NOX4: variants seen among roughly 807,000 people sequenced by gnomAD.
The protein encoded by NOX4 is NADPH oxidase 4.
NOX4 carries 69 observed loss-of-function variants against 87.6 expected under a neutral mutation model. The observed-to-expected ratio is 0.79, with a 90% CI of 0.65 to 0.96. NOX4 has a LOEUF of 0.96. NOX4 is among the 40% of genes least tolerant of loss of function. The probability of loss-of-function intolerance (pLI) is 0.00; values close to 1 mark genes in which losing one functional copy is unlikely to be tolerated. For synonymous variants in NOX4, 275 were observed against 238.2 expected, an observed-to-expected ratio of 1.15 and a Z score of -1.42; for missense variants, 680 against 681.5, an observed-to-expected ratio of 1.00 and a Z score of 0.02.
the NOX4 span, chr11:89,546,562 T>A: frequency 6.6e-6 from 1 of 152,198 alleles, no homozygotes; most frequent in Non-Finnish European, 1.5e-5. Context: ...ATGGTTTCTG[T>A]CTTAGTCTGT....
the NOX4 span, among the ~76,000 whole-genome samples, chr11:89,534,611 G>C: frequency 2.6e-5 from 4 of 152,166 alleles, no homozygotes. Flanking sequence ...GCCTTATCCC[G>C]GGGACTGAGT....
intron 7 of NOX4, among the ~76,000 whole-genome samples, chr11:89,428,452 G>T: frequency 6.7e-6 from 1 of 148,272 alleles, no homozygotes; most frequent in Non-Finnish European, 1.5e-5. Flanking sequence ...ACCCATCAGT[G>T]TGCTGTATTC....
At chr11:89,528,099 C>A in the NOX4 span, among the ~76,000 whole-genome samples, 2 of 152,164 alleles carry the variant, frequency 1.3e-5, no homozygotes, top group African/African-American at 4.8e-5. Flanking sequence ...CAAAGGACAT[C>A]ATTTCAGAGC....
chr11:89,346,957 A>G (rs1590980221), intron 13 of NOX4, among the ~76,000 whole-genome samples: 1 of 152,204 alleles, frequency 6.6e-6, no homozygotes, highest in African/African-American at 2.4e-5. Context: ...TTTTGCAAAC[A>G]TCAGTAGCAT....
chr11:89,572,288 A>G, the NOX4 span, among the ~76,000 whole-genome samples: 9 of 152,162 alleles, frequency 5.9e-5, 1 homozygote, highest in African/African-American at 9.7e-5. Context: ...TCTGCAATCC[A>G]CCTGGAAATG....
the NOX4 span, among the ~76,000 whole-genome samples, chr11:89,558,184 A>G: frequency 6.6e-6 from 1 of 152,086 alleles, no homozygotes; most frequent in Non-Finnish European, 1.5e-5. Context: ...GCCATTAGCT[A>G]GAGGGACTGC....
chr11:89,338,732 T>C (rs1945836043), intron 15 of NOX4, among the ~76,000 whole-genome samples: 1 of 152,112 alleles, frequency 6.6e-6, no homozygotes, highest in Non-Finnish European at 1.5e-5. Context: ...GTTAGGTTTC[T>C]CTACCTTGAT....
chr11:89,578,827 C>T, the NOX4 span, among the ~76,000 whole-genome samples: 1 of 152,116 alleles, frequency 6.6e-6, no homozygotes, highest in Non-Finnish European at 1.5e-5. Flanking sequence ...CTTTGAAAAA[C>T]TATGCCCATA....
chr11:89,343,977 C>A (rs1444363964), intron 13 of NOX4, among the ~76,000 whole-genome samples: 5 of 151,844 alleles, frequency 3.3e-5, no homozygotes, highest in African/African-American at 4.8e-5. Context: ...TTTAAAAAAA[C>A]TGATTTAAAT....
At chr11:89,358,066 T>C (rs1314636416) in intron 12 of NOX4, among the ~76,000 whole-genome samples, 12 of 151,954 alleles carry the variant, frequency 7.9e-5, no homozygotes. Context: ...CAAGCAAACA[T>C]CTTGAATAGC....
intron 2 of NOX4, among the ~76,000 whole-genome samples, chr11:89,459,848 T>G (rs138701739): frequency 0.045 from 6,785 of 151,950 alleles, 448 homozygotes; most frequent in African/African-American, 0.15. Flanking sequence ...AGCCCACAAT[T>G]CCAAGTCAAT....
At chr11:89,429,493 A>G (rs892362635) in intron 7 of NOX4, among the ~76,000 whole-genome samples, 5 of 152,292 alleles carry the variant, frequency 3.3e-5, no homozygotes, top group Non-Finnish European at 5.9e-5. Flanking sequence ...AGAGAGAAGA[A>G]TCAAATAGAT....
At chr11:89,502,577 G>A (rs953270965), upstream of NOX4, among the ~76,000 whole-genome samples, 3 of 151,952 alleles carry the variant, frequency 2.0e-5, no homozygotes, top group Non-Finnish European at 4.4e-5. Flanking sequence ...ACTCTTACAT[G>A]AGGGAGAATA....
chr11:89,584,245 A>AGTGGCTTAGGGAC, the NOX4 span, among the ~76,000 whole-genome samples: 1 of 152,120 alleles, frequency 6.6e-6, no homozygotes, highest in Non-Finnish European at 1.5e-5. Context: ...TCTAGGCCTT[A>AGTGGCTTAGGGAC]AATGAAAACT....
intron 2 of NOX4, among the ~76,000 whole-genome samples, chr11:89,478,847 T>C (rs1330691391): frequency 6.6e-6 from 1 of 152,092 alleles, no homozygotes; most frequent in Non-Finnish European, 1.5e-5. Flanking sequence ...TAGTAAATGT[T>C]AGTTCAGTGA....
chr11:89,414,970 A>G (rs1383795387), intron 8 of NOX4, among the ~76,000 whole-genome samples: 1 of 152,018 alleles, frequency 6.6e-6, no homozygotes, highest in Non-Finnish European at 1.5e-5. Flanking sequence ...CAAATAAATA[A>G]TTCAATAATT....
intron 6 of NOX4, among the ~76,000 whole-genome samples, chr11:89,437,015 A>G (rs982882971): frequency 1.3e-5 from 2 of 151,984 alleles, no homozygotes; most frequent in East Asian, 1.9e-4. Flanking sequence ...GAGATAGAAG[A>G]CTCTATGTAA....
the NOX4 span, among the ~76,000 whole-genome samples, chr11:89,553,099 C>T: frequency 2.0e-5 from 3 of 152,138 alleles, no homozygotes; most frequent in African/African-American, 4.8e-5. Context: ...TTACCCCACA[C>T]AGGGTCCTAG....
the NOX4 span, among the ~76,000 whole-genome samples, chr11:89,573,179 G>A: frequency 6.6e-6 from 1 of 152,044 alleles, no homozygotes; most frequent in African/African-American, 2.4e-5. Flanking sequence ...ATTTTTTGCA[G>A]TCGGTATTCA....
Sources: gnomAD v4.1 joint callset for allele counts (sites outside exome capture counted in the v4.1 genomes callset) on GRCh38, gnomAD v4.1.1 for gene constraint, MANE v1.5 for transcripts, NCBI Gene and HGNC (gene_info 2026-07-23, HGNC 2026-07-21) for gene names.